Variants in RPA2 observed in about 807,000 individuals in gnomAD.
The protein encoded by RPA2 is replication protein A 32 kDa subunit.
RPA2 carries 22 observed loss-of-function variants against 33.4 expected under a neutral mutation model. The observed-to-expected ratio is 0.66, with a 90% CI of 0.47 to 0.94. The LOEUF (loss-of-function observed/expected upper bound fraction) is 0.94, where lower values mean the gene tolerates loss of function less well. Among genes scored for constraint, RPA2 ranks in the 40% least tolerant of loss-of-function variants. The probability of loss-of-function intolerance (pLI) is 0.00; values close to 1 mark genes in which losing one functional copy is unlikely to be tolerated. For missense variants in RPA2, 279 were observed against 329.9 expected (o/e 0.85, Z 1.19); for synonymous variants, 109 against 114.9 (o/e 0.95, Z 0.33).
In RPA2 at chr1:27,914,268, C is replaced by T. The variant is rs759098922; in HGVS notation, c.11-99G>A. On this transcript the variant is annotated intron_variant, in intron 1 of 8. Transcript: ENST00000373912. Reference sequence around the variant, plus strand: ...TCGCCCCTTCAAACACTGCCCGAGTCTCCCTAACCTTCCTCGCCGCCTTCC... The same window carrying T: ...TCGCCCCTTCAAACACTGCCCGAGTTTCCCTAACCTTCCTCGCCGCCTTCC... 3 of 1,597,168 alleles carry T rather than the reference C, an allele frequency of 1.9e-6. No homozygotes were observed. The African/African-American group carries it at 4.0e-5, about 21-fold the overall frequency.
intron 2 of RPA2, among the ~76,000 whole-genome samples, chr1:27,911,406 T>C (rs1313837837): frequency 2.0e-5 from 3 of 152,088 alleles, no homozygotes; most frequent in South Asian, 2.1e-4. Context: ...GTCTCCAACT[T>C]ACAAGCATTA....
intron 6 of RPA2, among the ~76,000 whole-genome samples, chr1:27,896,178 C>T (rs1033717791): frequency 1.3e-5 from 2 of 152,116 alleles, no homozygotes; most frequent in African/African-American, 4.8e-5. Context: ...TCAAAGTAGG[C>T]GCAATAAATA....
At chr1:27,906,626 T>G (rs1283991248) in intron 4 of RPA2, among the ~76,000 whole-genome samples, 1 of 152,060 alleles carries the variant, frequency 6.6e-6, no homozygotes, top group African/African-American at 2.4e-5. Context: ...GATGCGGACG[T>G]TGTAGTGAGC....
upstream of RPA2, chr1:27,914,760 T>C (rs2090150387): frequency 4.5e-6 from 6 of 1,330,144 alleles, no homozygotes; most frequent in Non-Finnish European, 6.3e-6. Flanking sequence ...AGCAAGGGGC[T>C]GGCAGAGCGG....
In RPA2 at chr1:27,914,087, T is replaced by C; in HGVS notation, c.93A>G (p.Ala31=). 6.2e-7 allele frequency: 1 copy of C among 1,604,850 alleles called. No individual in the cohort carries two copies. Residue 31 remains alanine, a synonymous_variant, in exon 2 of 9, where the codon GCA becomes GCG. Coordinates refer to ENST00000373912, the MANE Select transcript of RPA2 (RefSeq NM_002946.5). ...TQSPGGFGSP[A]PSQAEKKSRA... ...CTGATTTCTTTTCGGCTTGAGAAGG[T>C]GCGGGCGATCCAAAGCCCCCCGGGG...
Position 27,893,508 on chromosome 1 carries a change from G to A in RPA2, c.728+504C>T, listed in dbSNP as rs547010725. 3.9e-5 allele frequency among the ~76,000 whole-genome samples: 6 copies of A among 151,948 alleles called. No homozygotes were observed. The South Asian group carries it at 1.0e-3, about 26-fold the overall frequency. On this transcript the variant is annotated intron_variant, in intron 8 of 8. Coordinates refer to ENST00000373912, the MANE Select transcript of RPA2 (RefSeq NM_002946.5). ...TTGTTTTTGTAGAGACAAGCGTTTCGCCACGTTGCCCAGGCTGGTCTTGAA... is the reference window on the plus strand; with the variant it reads ...TTGTTTTTGTAGAGACAAGCGTTTCACCACGTTGCCCAGGCTGGTCTTGAA...
At chr1:27,912,811 T>A (rs914524765) in intron 2 of RPA2, among the ~76,000 whole-genome samples, 1 of 152,158 alleles carries the variant, frequency 6.6e-6, no homozygotes, top group African/African-American at 2.4e-5. Context: ...ATATTAAGTC[T>A]CACAATGACA....
At chr1:27,893,539 G>A (rs567043726) in intron 8 of RPA2, among the ~76,000 whole-genome samples, 144 of 152,108 alleles carry the variant, frequency 9.5e-4, no homozygotes, top group African/African-American at 3.2e-3. Context: ...TTGAACTCCT[G>A]AGTTCAAGCA....
chr1:27,913,233 G>GTT (rs1553128564), intron 2 of RPA2, among the ~76,000 whole-genome samples: 1 of 151,602 alleles, frequency 6.6e-6, no homozygotes, highest in Non-Finnish European at 1.5e-5. Context: ...GATTACGGGC[G>GTT]TGAGCCACCG....
At chr1:27,902,093 CTA>C (rs1391711917) in intron 4 of RPA2, among the ~76,000 whole-genome samples, 1 of 151,642 alleles carries the variant, frequency 6.6e-6, no homozygotes. Flanking sequence ...ACTGAAAAGA[CTA>C]TTTTTTTCTG....
At chr1:27,905,495 T>C (rs1031651738) in intron 4 of RPA2, among the ~76,000 whole-genome samples, 1 of 152,042 alleles carries the variant, frequency 6.6e-6, no homozygotes, top group Non-Finnish European at 1.5e-5. Context: ...TTTCACCTGT[T>C]GGCCAGGCTG....
chr1:27,899,935 C>T (rs1040647400), intron 4 of RPA2, among the ~76,000 whole-genome samples: 1 of 152,202 alleles, frequency 6.6e-6, no homozygotes, highest in Non-Finnish European at 1.5e-5. Context: ...CCGCCTCGGC[C>T]TCCCAAAGTG....
At chr1:27,894,448 G>A in intron 6 of RPA2, 51 bp from the exon 7 acceptor site, 1 of 1,475,772 alleles carries the variant, frequency 6.8e-7, no homozygotes, top group Non-Finnish European at 9.4e-7. Context: ...AAGTTAAACA[G>A]TCTTTACTAC....
Position 27,904,095 on chromosome 1 carries a change from C to T in RPA2, c.333+2833G>A, listed in dbSNP as rs186381601. 1.7e-4 allele frequency among the ~76,000 whole-genome samples: 26 copies of T among 149,144 alleles called. No individual in the cohort carries two copies. In the South Asian group the frequency reaches 4.9e-3, roughly 28 times the overall value. ...AGGAGAATTGCTTGAACCTGGGAGG[C>T]GGAGGTTGTGGTGAGCTGGAGATCG... On this transcript the variant is annotated intron_variant, in intron 4 of 8. Coordinates refer to ENST00000373912, the MANE Select transcript of RPA2 (RefSeq NM_002946.5).
intron 6 of RPA2, among the ~76,000 whole-genome samples, chr1:27,895,933 C>T (rs2089885597): frequency 6.6e-6 from 1 of 152,114 alleles, no homozygotes. Context: ...TTACTCCACA[C>T]TCCTGGCTCT....
chr1:27,897,304 C>T (rs894813890), intron 5 of RPA2, among the ~76,000 whole-genome samples, 183 bp from the exon 6 acceptor site: 1 of 143,566 alleles, frequency 7.0e-6, no homozygotes, highest in African/African-American at 2.4e-5. Context: ...AAACTAATAG[C>T]TAAGGGACAT....
intron 4 of RPA2, among the ~76,000 whole-genome samples, chr1:27,899,829 C>T (rs2089944726): frequency 4.0e-5 from 6 of 151,890 alleles, no homozygotes; most frequent in South Asian, 2.1e-4. Flanking sequence ...TACAGGCGCC[C>T]GCCACCACGC....
chr1:27,909,089 G>A (rs2090066489), intron 2 of RPA2, among the ~76,000 whole-genome samples: 2 of 152,144 alleles, frequency 1.3e-5, no homozygotes, highest in Non-Finnish European at 2.9e-5. Flanking sequence ...GTAACAGGCT[G>A]AGGGCAAGTA....
rs1476981638 is a variant in RPA2 at position 27,894,364 on chromosome 1, C to G, written c.559G>C (p.Gly187Arg). ...CCAAAGTTCCCTGCTTCACTCATTC[C>G]TGGATTGCTGATAGGTGCTCTCCCT... ...SAGRAPISNP[G>R]MSEAGNFGGN... is the part of the protein sequence containing the mutation. Residue 187 changes from glycine to arginine, a missense_variant, in exon 7 of 9, where the codon GGA (glycine) becomes CGA (arginine). Gly to Arg is a moderately radical substitution (Grantham distance 125, BLOSUM62 -2). Around this residue, in one of 2 missense-constraint regions of RPA2, gnomAD observed 274 missense variants for 310.3 expected, o/e 0.88. Transcript: ENST00000373912. 1 of 1,613,816 alleles carries G rather than the reference C, an allele frequency of 6.2e-7. No individual in the cohort carries two copies. The highest frequency in any genetic ancestry group is 1.3e-5 in the African/African-American group (1 of 74,912).
Sources: gnomAD v4.1 joint callset for allele counts (sites outside exome capture counted in the v4.1 genomes callset) on GRCh38, gnomAD v4.1.1 for gene constraint, gnomAD v4.1.1 regional missense constraint, MANE v1.5 for transcripts, NCBI Gene and HGNC (gene_info 2026-07-23, HGNC 2026-07-21) for gene names.